TAFA4: variants seen among roughly 807,000 people sequenced by gnomAD.
The protein encoded by TAFA4 is chemokine-like protein TAFA-4.
Under a neutral mutation model 21.1 loss-of-function variants are expected in TAFA4, and 20 were observed. The ratio of observed to expected loss-of-function variants is 0.95; its 90% CI spans 0.67 to 1.38. TAFA4 has a LOEUF of 1.38. Among genes scored for constraint, TAFA4 ranks in the 40% most tolerant of loss-of-function variants. TAFA4 has a pLI of 0.00. For missense variants in TAFA4, 211 were observed against 180.9 expected (o/e 1.17, Z -0.95); for synonymous variants, 71 against 67.4 (o/e 1.05, Z -0.26).
chr3:68,793,336 C>G (rs1321794781), intron 3 of TAFA4, among the ~76,000 whole-genome samples: 1 of 152,202 alleles, frequency 6.6e-6, no homozygotes, highest in Non-Finnish European at 1.5e-5. Flanking sequence ...TAACTGCACT[C>G]AGACGGCTAT....
intron 3 of TAFA4, among the ~76,000 whole-genome samples, chr3:68,808,958 C>T (rs1011863169): frequency 8.5e-5 from 13 of 152,314 alleles, no homozygotes; most frequent in African/African-American, 2.2e-4. Context: ...GAAACCCCCA[C>T]TAACTTTACA....
At position 68,738,923 on chromosome 3, in the gene TAFA4, G is replaced by A. The variant is rs975630488; in HGVS notation, c.411+152C>T. 28 of 995,190 alleles carry A rather than the reference G, an allele frequency of 2.8e-5. 1 individual carries two copies. Among genetic ancestry groups the A allele is most frequent in the South Asian group, 2.1e-4 (11 of 51,806 alleles). 61.6% of individuals were successfully genotyped at this position (995,190 alleles called of 1,614,324 possible). On this transcript the variant is annotated intron_variant, in intron 5 of 5. Coordinates refer to ENST00000295569, the MANE Select transcript of TAFA4 (RefSeq NM_182522.5). ...CACACAGAATGATGCCGGGAAATGCGCTTTTCAAAAAGGCCAAATCCGTAA... is the reference window on the plus strand; with the variant it reads ...CACACAGAATGATGCCGGGAAATGCACTTTTCAAAAAGGCCAAATCCGTAA...
intron 3 of TAFA4, among the ~76,000 whole-genome samples, chr3:68,793,236 GC>G (rs1703395907): frequency 6.6e-6 from 1 of 152,120 alleles, no homozygotes. Context: ...ACTGGCATGA[GC>G]CCAACATTTA....
intron 1 of TAFA4, among the ~76,000 whole-genome samples, chr3:68,911,144 T>C (rs748303392): frequency 6.6e-6 from 1 of 152,238 alleles, no homozygotes; most frequent in African/African-American, 2.4e-5. Flanking sequence ...GCAAAGACAC[T>C]GCTGACGTTT....
intron 3 of TAFA4, among the ~76,000 whole-genome samples, chr3:68,831,464 G>A (rs1704389749): frequency 6.6e-6 from 1 of 152,128 alleles, no homozygotes; most frequent in Non-Finnish European, 1.5e-5. Flanking sequence ...TTGGCTGGAT[G>A]TGAAATTCTG....
chr3:68,807,378 A>G (rs1206386526), intron 3 of TAFA4, among the ~76,000 whole-genome samples: 1 of 152,240 alleles, frequency 6.6e-6, no homozygotes, highest in African/African-American at 2.4e-5. Flanking sequence ...ATTACCACGC[A>G]GCGGAAGCAA....
chr3:68,783,697 G>GAAA lies in TAFA4; in HGVS notation c.131-30680_131-30679insTTT, dbSNP rs1575606782. 1.3e-4 allele frequency among the ~76,000 whole-genome samples: 14 copies of GAAA among 104,816 alleles called. No homozygotes were observed. The East Asian group carries it at 2.1e-3, about 16-fold the overall frequency. 68.8% of individuals were successfully genotyped at this position (104,816 alleles called of 152,430 possible). On this transcript the variant is annotated intron_variant, in intron 3 of 5. Coordinates refer to ENST00000295569, the MANE Select transcript of TAFA4 (RefSeq NM_182522.5). ...ACAGAGAGAGAGAGAGAGAGAGAGA[G>GAAA]AGAGAGAGAGAAAGAAAAAGAAAGA...
At chr3:68,898,880 T>C (rs1257410404) in intron 1 of TAFA4, among the ~76,000 whole-genome samples, 1 of 152,052 alleles carries the variant, frequency 6.6e-6, no homozygotes, top group African/African-American at 2.4e-5. Context: ...GAGATTCCAC[T>C]ACCTGGGAAG....
At chr3:68,803,566 T>G (rs1442501492) in intron 3 of TAFA4, among the ~76,000 whole-genome samples, 1 of 152,052 alleles carries the variant, frequency 6.6e-6, no homozygotes, top group Admixed American at 6.6e-5. Context: ...AGGGAAGTAC[T>G]AAGAAGTCCA....
At chr3:68,843,679 G>C (rs940292195) in intron 3 of TAFA4, among the ~76,000 whole-genome samples, 13 of 152,224 alleles carry the variant, frequency 8.5e-5, no homozygotes, top group African/African-American at 2.9e-4. Flanking sequence ...TTATTATTTT[G>C]AGATACGGTC....
chr3:68,747,807 C>T (rs914580696), intron 4 of TAFA4, among the ~76,000 whole-genome samples: 6 of 152,108 alleles, frequency 3.9e-5, no homozygotes, highest in African/African-American at 7.2e-5. Context: ...TTTATTGGCA[C>T]ACTCTCTTAA....
intron 1 of TAFA4, among the ~76,000 whole-genome samples, chr3:68,896,843 G>A (rs569881404): frequency 6.6e-6 from 1 of 152,150 alleles, no homozygotes; most frequent in Non-Finnish European, 1.5e-5. Context: ...TAAGGTCCAA[G>A]TTTCAACAAT....
intron 3 of TAFA4, among the ~76,000 whole-genome samples, chr3:68,794,925 T>C (rs1209730057): frequency 2.6e-5 from 4 of 150,994 alleles, no homozygotes; most frequent in Admixed American, 6.6e-5. Context: ...AGAGTAGATA[T>C]AGATGAAAAA....
At chr3:68,734,782 C>G (rs1307912936) in intron 5 of TAFA4, among the ~76,000 whole-genome samples, 1 of 152,026 alleles carries the variant, frequency 6.6e-6, no homozygotes, top group Non-Finnish European at 1.5e-5. Context: ...ATGACACAGC[C>G]CAGTGGTTGA....
At chr3:68,849,379 A>G (rs1458627578) in intron 3 of TAFA4, among the ~76,000 whole-genome samples, 1 of 152,176 alleles carries the variant, frequency 6.6e-6, no homozygotes, top group African/African-American at 2.4e-5. Context: ...GCTTCATGAG[A>G]TAACAGGTTC....
At chr3:68,907,488 GAAC>G (rs745608968) in intron 1 of TAFA4, among the ~76,000 whole-genome samples, 3 of 152,210 alleles carry the variant, frequency 2.0e-5, no homozygotes, top group Admixed American at 2.0e-4. Flanking sequence ...AGGGCAAGGA[GAAC>G]AACAAGACGA....
chr3:68,888,155 A>C (rs1004936889), intron 1 of TAFA4, among the ~76,000 whole-genome samples: 2 of 151,918 alleles, frequency 1.3e-5, no homozygotes, highest in Admixed American at 6.6e-5. Flanking sequence ...CTTCTAATGG[A>C]ATCTTATAAA....
chr3:68,800,565 C>A (rs572029294), intron 3 of TAFA4, among the ~76,000 whole-genome samples: 1 of 152,184 alleles, frequency 6.6e-6, no homozygotes, highest in Non-Finnish European at 1.5e-5. Flanking sequence ...ATGAAGGAAA[C>A]TGAGCCACAG....
At chr3:68,874,724 C>T (rs146169869) in intron 3 of TAFA4, among the ~76,000 whole-genome samples, 1 of 152,166 alleles carries the variant, frequency 6.6e-6, no homozygotes, top group East Asian at 1.9e-4. Flanking sequence ...TAGGATGGCT[C>T]ACAAGCTCAT....
Sources: gnomAD v4.1 joint callset for allele counts (sites outside exome capture counted in the v4.1 genomes callset) on GRCh38, gnomAD v4.1.1 for gene constraint, MANE v1.5 for transcripts, NCBI Gene and HGNC (gene_info 2026-07-23, HGNC 2026-07-21) for gene names.